LUZP2: variants seen among roughly 807,000 people sequenced by gnomAD.
The protein encoded by LUZP2 is leucine zipper protein 2.
Under a neutral mutation model 51.6 loss-of-function variants are expected in LUZP2, and 52 were observed. That is an observed-to-expected ratio of 1.01 (90% confidence interval 0.81 to 1.27). LUZP2 has a LOEUF of 1.27. LUZP2 is among the 50% of genes most tolerant of loss of function. The pLI is 0.00. For missense variants in LUZP2, 436 were observed against 395.4 expected, an observed-to-expected ratio of 1.10 and a Z score of -0.87; for synonymous variants, 154 against 137.3, an observed-to-expected ratio of 1.12 and a Z score of -0.85.
At chr11:24,992,315 T>C (rs1590811060) in intron 9 of LUZP2, among the ~76,000 whole-genome samples, 1 of 152,074 alleles carries the variant, frequency 6.6e-6, no homozygotes, top group African/African-American at 2.4e-5. Flanking sequence ...ACATTTATTG[T>C]ACTCTATTTT....
intron 11 of LUZP2, among the ~76,000 whole-genome samples, 165 bp from the exon 12 acceptor site, chr11:25,078,389 A>G (rs560262075): frequency 6.6e-6 from 1 of 152,340 alleles, no homozygotes; most frequent in South Asian, 2.1e-4. Context: ...TATGAAATAT[A>G]ATTAACATCT....
At chr11:24,883,522 A>T (rs920583027) in intron 5 of LUZP2, among the ~76,000 whole-genome samples, 1 of 152,172 alleles carries the variant, frequency 6.6e-6, no homozygotes, top group Admixed American at 6.6e-5. Flanking sequence ...TGAAATTTAT[A>T]GCAGCTAAAC....
chr11:24,998,803 T>A (rs536546104), intron 9 of LUZP2, among the ~76,000 whole-genome samples: 1 of 152,270 alleles, frequency 6.6e-6, no homozygotes, highest in Admixed American at 6.5e-5. Context: ...GATAAAAGAC[T>A]CACCTTTCAT....
chr11:24,723,723 C>T (rs758425708), intron 1 of LUZP2, among the ~76,000 whole-genome samples: 5 of 151,906 alleles, frequency 3.3e-5, no homozygotes, highest in Non-Finnish European at 5.9e-5. Flanking sequence ...TCCAGCTACT[C>T]GGGAGGTTGA....
intron 9 of LUZP2, among the ~76,000 whole-genome samples, chr11:24,987,251 A>G (rs1856213933): frequency 6.6e-6 from 1 of 152,030 alleles, no homozygotes; most frequent in Admixed American, 6.6e-5. Flanking sequence ...CTTTGAATAA[A>G]GCTACACTAT....
chr11:24,732,231 C>A, intron 3 of LUZP2, 43 bp downstream of exon 3: 1 of 1,421,224 alleles, frequency 7.0e-7, no homozygotes, highest in South Asian at 1.3e-5. Context: ...GCCATAGTGT[C>A]AAGCAACATT....
chr11:25,029,608 G>T (rs1013799907), intron 9 of LUZP2, among the ~76,000 whole-genome samples: 4 of 151,660 alleles, frequency 2.6e-5, no homozygotes, highest in African/African-American at 9.7e-5. Context: ...ATGGTGGTGG[G>T]CACCTGTAAT....
At chr11:24,553,650 T>G (rs1348027446) in intron 1 of LUZP2, among the ~76,000 whole-genome samples, 1 of 152,122 alleles carries the variant, frequency 6.6e-6, no homozygotes, top group Non-Finnish European at 1.5e-5. Flanking sequence ...TCTCTCTTCC[T>G]TCTTAGGGGT....
At chr11:24,873,448 A>G (rs1383363211) in intron 5 of LUZP2, among the ~76,000 whole-genome samples, 1 of 152,216 alleles carries the variant, frequency 6.6e-6, no homozygotes. Flanking sequence ...TTGTCATTAT[A>G]TGAAAAGCCT....
Position 24,617,270 on chromosome 11 carries a change from TA to T in LUZP2, c.63-111897del, listed in dbSNP as rs1271249535. Among the ~76,000 whole-genome samples the T allele has an allele frequency of 3.3e-5, 5 of 152,300 alleles. No individual in the cohort carries two copies. The East Asian group carries it at 9.6e-4, about 29-fold the overall frequency. On this transcript the variant is annotated intron_variant, in intron 1 of 11. Coordinates refer to ENST00000336930, the MANE Select transcript of LUZP2 (RefSeq NM_001009909.4). ...TGCATGAGCCTATTTGTTGAGTTTTTAACTTTGTTTTTTCTGTATTTTTAGT... is the reference window on the plus strand; with the variant it reads ...TGCATGAGCCTATTTGTTGAGTTTTTACTTTGTTTTTTCTGTATTTTTAGT...
At chr11:24,662,704 C>A (rs1029092793) in intron 1 of LUZP2, among the ~76,000 whole-genome samples, 6 of 151,900 alleles carry the variant, frequency 3.9e-5, no homozygotes, top group Non-Finnish European at 7.4e-5. Flanking sequence ...TTGTAGATAA[C>A]AGGAAACATT....
At chr11:25,051,496 G>A (rs991334593) in intron 10 of LUZP2, among the ~76,000 whole-genome samples, 1 of 152,148 alleles carries the variant, frequency 6.6e-6, no homozygotes, top group African/African-American at 2.4e-5. Context: ...CAGGAAGGAA[G>A]ATTTTTACTA....
chr11:24,743,787 T>A (rs2133994556), intron 4 of LUZP2, among the ~76,000 whole-genome samples: 1 of 152,254 alleles, frequency 6.6e-6, no homozygotes, highest in African/African-American at 2.4e-5. Context: ...GAGGGAATGC[T>A]TTCAACTTTT....
chr11:25,065,581 G>A (rs1205113439), intron 10 of LUZP2, among the ~76,000 whole-genome samples: 4 of 151,890 alleles, frequency 2.6e-5, no homozygotes, highest in South Asian at 2.1e-4. Flanking sequence ...CGTCACCCAC[G>A]GGGTTTAACC....
At chr11:24,700,993 A>T (rs1393367046) in intron 1 of LUZP2, among the ~76,000 whole-genome samples, 1 of 152,186 alleles carries the variant, frequency 6.6e-6, no homozygotes, top group Non-Finnish European at 1.5e-5. Context: ...AGAAGAAAAA[A>T]CATCCGATTT....
chr11:25,018,852 C>G (rs941236583), intron 9 of LUZP2, among the ~76,000 whole-genome samples: 1 of 152,146 alleles, frequency 6.6e-6, no homozygotes, highest in Admixed American at 6.6e-5. Flanking sequence ...AAGTGATCCA[C>G]CTGCCTCAGT....
At chr11:24,885,846 C>T (rs377243789) in intron 5 of LUZP2, among the ~76,000 whole-genome samples, 1 of 152,256 alleles carries the variant, frequency 6.6e-6, no homozygotes, top group Non-Finnish European at 1.5e-5. Flanking sequence ...ATAGAAACCT[C>T]ATAAAGCATG....
At chr11:24,937,446 A>G (rs964655342) in intron 7 of LUZP2, among the ~76,000 whole-genome samples, 1 of 152,242 alleles carries the variant, frequency 6.6e-6, no homozygotes, top group Non-Finnish European at 1.5e-5. Context: ...AGCAGGATCA[A>G]ATGAGATTGT....
At chr11:24,749,981 C>T (rs1414886479) in intron 4 of LUZP2, among the ~76,000 whole-genome samples, 2 of 152,156 alleles carry the variant, frequency 1.3e-5, no homozygotes, top group Admixed American at 6.6e-5. Flanking sequence ...AATAAACTCC[C>T]TTTCATATAT....
Sources: allele counts gnomAD v4.1 joint callset (sites outside exome capture counted in the v4.1 genomes callset), GRCh38; gene constraint gnomAD v4.1.1; transcripts MANE v1.5; gene names NCBI Gene and HGNC (gene_info 2026-07-23, HGNC 2026-07-21).